POLI: variants seen among roughly 807,000 people sequenced by gnomAD.
POLI encodes RAD30 homolog B.
In POLI, 58 loss-of-function variants were observed where a neutral mutation model predicts 51.6. The ratio of observed to expected loss-of-function variants is 1.12; its 90% CI spans 0.91 to 1.40. POLI has a LOEUF of 1.40. Among genes scored for constraint, POLI ranks in the 40% most tolerant of loss-of-function variants. POLI has a pLI of 0.00. For synonymous variants in POLI, 322 were observed against 299.7 expected, an observed-to-expected ratio of 1.07 and a Z score of -0.77; for missense variants, 921 against 871.3, an observed-to-expected ratio of 1.06 and a Z score of -0.72.
At chr18:54,301,509 A>G (rs1416402951), downstream of POLI, among the ~76,000 whole-genome samples, 1 of 152,188 alleles carries the variant, frequency 6.6e-6, no homozygotes, top group Non-Finnish European at 1.5e-5. Flanking sequence ...AACAATGTAC[A>G]TTCAGGAGAA....
At chr18:54,292,793 A>G (rs564274186) in intron 9 of POLI, among the ~76,000 whole-genome samples, 1 of 152,226 alleles carries the variant, frequency 6.6e-6, no homozygotes, top group South Asian at 2.1e-4. Flanking sequence ...GCTCTCTTCA[A>G]ATTACTTTTT....
At chr18:54,269,484 C>T (rs1000275025), upstream of POLI, 124 of 1,485,944 alleles carry the variant, frequency 8.3e-5, no homozygotes, top group African/African-American at 1.4e-3. Flanking sequence ...ACTGTAGTCC[C>T]CCGGTTTCCC....
chr18:54,269,587 GCGA>G lies in POLI; in HGVS notation c.51_53del (p.Asp17del), dbSNP rs3729509. ...GTGGAGCCGGAGGAGGAAGGCGGCG[GCGA>G]CGACGACGAGGAAGACGCCGAGGCC... On this transcript the variant is annotated inframe_deletion, in exon 1 of 10. Coordinates refer to ENST00000579534, the MANE Select transcript of POLI (RefSeq NM_007195.3). The G allele has an allele frequency of 0.71, 1,065,589 of 1,497,368 alleles. 382,387 individuals carry two copies. Among genetic ancestry groups the G allele is most frequent in the African/African-American group, 0.93 (63,282 of 67,758 alleles). The allele number at this position is 1,497,368 out of a possible 1,614,324, so 92.8% of individuals were successfully genotyped here. A position where few individuals can be genotyped will look rare whatever the true frequency, so the allele number is the denominator to read the frequency against.
chr18:54,302,490 T>C (rs1325394204), downstream of POLI, among the ~76,000 whole-genome samples: 3 of 152,164 alleles, frequency 2.0e-5, no homozygotes, highest in East Asian at 5.8e-4. Flanking sequence ...TAATTTTTGT[T>C]GGTACATAGT....
Position 54,293,748 on chromosome 18 carries a change from T to G in POLI, c.1504T>G (p.Ser502Ala), listed in dbSNP as rs767170410. 8 of 1,604,322 alleles carry G rather than the reference T, an allele frequency of 5.0e-6. No individual in the cohort carries two copies. The highest frequency in any genetic ancestry group is 1.7e-5 in the Admixed American group (1 of 58,962). The change falls in exon 10 of 10, where the codon TCT (serine) becomes GCT (alanine). Residue 502 changes from serine to alanine, a missense_variant. Transcript: ENST00000579534. ...GRIESTRTRESPLDTTNFSKE... is the reference protein window; with the variant it reads ...GRIESTRTREAPLDTTNFSKE... The stretch of plus-strand genomic sequence containing the variant: ...AATTGAAAGTACAAGAACTAGGGAG[T>G]CTCCACTAGATACCACAAATTTTTC...
At chr18:54,305,265 G>T (rs558588930) in intron 3 of POLI, among the ~76,000 whole-genome samples, 3 of 152,272 alleles carry the variant, frequency 2.0e-5, no homozygotes, top group South Asian at 4.1e-4. Context: ...GGTTCCATAT[G>T]AACTTTAAAG....
chr18:54,288,443 C>T (rs1413482387), intron 8 of POLI, among the ~76,000 whole-genome samples: 1 of 152,010 alleles, frequency 6.6e-6, no homozygotes, highest in Non-Finnish European at 1.5e-5. Flanking sequence ...TGTGGGTATC[C>T]AGTTGTTCCT....
At chr18:54,278,465 C>A (rs2087350663) in intron 4 of POLI, among the ~76,000 whole-genome samples, 1 of 152,140 alleles carries the variant, frequency 6.6e-6, no homozygotes, top group African/African-American at 2.4e-5. Context: ...CCCTTCGATT[C>A]CCCTTTGATG....
intron 3 of POLI, among the ~76,000 whole-genome samples, chr18:54,308,273 C>G (rs1308574355): frequency 6.6e-6 from 1 of 152,108 alleles, no homozygotes; most frequent in Non-Finnish European, 1.5e-5. Context: ...GTAAGGCAGG[C>G]CTGGTGGTGA....
rs1269513260 is a variant in POLI, at chr18:54,295,447, C to T, written c.*980C>T. ...AGAATGTATTATATAATTTGCAAGACATAGAGGATGTTTATAGAATATACT... is the reference window on the plus strand; with the variant it reads ...AGAATGTATTATATAATTTGCAAGATATAGAGGATGTTTATAGAATATACT... On this transcript the variant is annotated 3_prime_UTR_variant, in exon 10 of 10. Coordinates refer to ENST00000579534, the MANE Select transcript of POLI (RefSeq NM_007195.3). 2 of 971,188 alleles carry T rather than the reference C, an allele frequency of 2.1e-6. No homozygotes were observed. Among genetic ancestry groups the T allele is most frequent in the Admixed American group, 1.2e-4 (2 of 16,232 alleles). 60.2% of individuals were successfully genotyped at this position (971,188 alleles called of 1,614,324 possible).
chr18:54,277,879 A>G (rs2087320692), intron 4 of POLI, 24 bp downstream of exon 4: 1 of 1,545,428 alleles, frequency 6.5e-7, no homozygotes, highest in Non-Finnish European at 8.8e-7. Context: ...TATTCATTCT[A>G]CCTACTAACC....
At position 54,287,367 on chromosome 18, in the gene POLI, G is replaced by A. The variant is rs923910739; in HGVS notation, c.1154G>A (p.Arg385His). The A allele has an allele frequency of 8.7e-6, 14 of 1,604,312 alleles. No homozygotes were observed. The highest frequency in any genetic ancestry group is 2.7e-5 in the African/African-American group (2 of 74,742). Reference protein sequence around the residue: ...SSEKHYGRESRQCPIPSHVIQ... With the variant: ...SSEKHYGRESHQCPIPSHVIQ... ...GAGAAGCACTATGGTCGTGAGAGTC[G>A]TCAGTGCCCTATTCCTTCACATGTA... is the stretch of plus-strand genomic sequence containing the variant. Residue 385 changes from arginine to histidine, a missense_variant, in exon 8 of 10, where the codon CGT becomes CAT. Coordinates refer to ENST00000579534, the MANE Select transcript of POLI (RefSeq NM_007195.3).
At chr18:54,282,760 A>G (rs900459799) in intron 5 of POLI, 77 bp from the exon 6 acceptor site, 13 of 754,922 alleles carry the variant, frequency 1.7e-5, no homozygotes, top group Admixed American at 5.8e-5. Flanking sequence ...TAAGATTGAT[A>G]TATTTATAAT....
intron 7 of POLI, 55 bp from the exon 8 acceptor site, chr18:54,287,225 AT>A (rs2087787622): frequency 7.8e-7 from 1 of 1,283,954 alleles, no homozygotes; most frequent in African/African-American, 1.5e-5. Context: ...ATGTTACATA[AT>A]TTAAAAAGGT....
At chr18:54,283,112 G>T (rs2087589768) in intron 6 of POLI, 97 bp downstream of exon 6, 1 of 719,736 alleles carries the variant, frequency 1.4e-6, no homozygotes, top group East Asian at 2.7e-5. Flanking sequence ...ATTCTAGTTT[G>T]CTTAGTATGT....
In POLI at chr18:54,287,262, ACTTTCT is replaced by A. The variant is rs775827485; in HGVS notation, c.1068-14_1068-9del. On this transcript the variant is annotated splice_polypyrimidine_tract_variant and intron_variant, in intron 7 of 9. Coordinates refer to ENST00000579534, the MANE Select transcript of POLI (RefSeq NM_007195.3). ...AATACTTTTCTAATTCCTTATTTCC[ACTTTCT>A]CTTTATTTTTAGAGTATGCCAAGAT... 1.3e-6 allele frequency: 2 copies of A among 1,511,730 alleles called. No homozygotes were observed. The highest frequency in any genetic ancestry group is 1.7e-4 in the Middle Eastern group (1 of 5,888). 93.6% of individuals were successfully genotyped at this position (1,511,730 alleles called of 1,614,324 possible).
In POLI at chr18:54,294,436, C is replaced by A; in HGVS notation, c.2192C>A (p.Ala731Glu). Reference sequence around the variant, plus strand: ...GAACTGCTGGCAGAGTGGAAGAGAGCAGGATCAGATTTCCACATTGGACAT... The same window carrying A: ...GAACTGCTGGCAGAGTGGAAGAGAGAAGGATCAGATTTCCACATTGGACAT... ...QKELLAEWKR[A>E]GSDFHIGHK Residue 731 changes from alanine to glutamate, a missense_variant, in exon 10 of 10, where the codon GCA (alanine) becomes GAA (glutamate). Coordinates refer to ENST00000579534, the MANE Select transcript of POLI (RefSeq NM_007195.3). The A allele has an allele frequency of 6.2e-7, 1 of 1,604,728 alleles. No homozygotes were observed.
chr18:54,271,554 T>C (rs1251961565), intron 2 of POLI, 69 bp downstream of exon 2: 7 of 1,062,852 alleles, frequency 6.6e-6, no homozygotes, highest in Non-Finnish European at 9.5e-6. Flanking sequence ...GCTCATTATA[T>C]ACTGATTTAT....
rs61280100 is a variant in POLI at position 54,285,521 on chromosome 18, AGTGTGT to A, written c.1067+1537_1067+1542del. ...GACTTGCAAAAAAAAAAATTACAGG[AGTGTGT>A]GTGTGTGTGTGTGTGTGTGTGTGTG... On this transcript the variant is annotated intron_variant, in intron 7 of 9. Coordinates refer to ENST00000579534, the MANE Select transcript of POLI (RefSeq NM_007195.3). Among the ~76,000 whole-genome samples, 1,181 of 144,708 alleles carry A rather than the reference AGTGTGT, an allele frequency of 8.2e-3. 10 individuals carry two copies. The highest frequency in any genetic ancestry group is 0.026 in the South Asian group (113 of 4,428). 94.9% of individuals were successfully genotyped at this position (144,708 alleles called of 152,430 possible).
Sources: allele counts gnomAD v4.1 joint callset (sites outside exome capture counted in the v4.1 genomes callset), GRCh38; gene constraint gnomAD v4.1.1; transcripts MANE v1.5; gene names NCBI Gene and HGNC (gene_info 2026-07-23, HGNC 2026-07-21).